Variants in CLCN3 observed in about 807,000 individuals in gnomAD.
CLCN3 encodes Cl-/H+ antiporter 3, also known as H(+)/Cl(-) exchange transporter 3.
In CLCN3, 16 loss-of-function variants were observed where a neutral mutation model predicts 83.4. The ratio of observed to expected loss-of-function variants is 0.19; its 90% CI spans 0.13 to 0.29. The LOEUF (loss-of-function observed/expected upper bound fraction) is 0.29. Among genes scored for constraint, CLCN3 ranks in the 10% least tolerant of loss-of-function variants. The pLI is 1.00. For missense variants in CLCN3, 544 were observed against 1,006.0 expected, an observed-to-expected ratio of 0.54 and a Z score of 6.21; for synonymous variants, 322 against 346.2, an observed-to-expected ratio of 0.93 and a Z score of 0.78.
intron 9 of CLCN3, among the ~76,000 whole-genome samples, chr4:169,703,415 C>T (rs756045729): frequency 5.3e-5 from 8 of 152,136 alleles, no homozygotes; most frequent in Non-Finnish European, 7.3e-5. Flanking sequence ...CTACCATTTC[C>T]GTCATTTGTA....
intron 2 of CLCN3, among the ~76,000 whole-genome samples, chr4:169,667,312 T>C (rs1384886551): frequency 6.6e-6 from 1 of 152,198 alleles, no homozygotes; most frequent in African/African-American, 2.4e-5. Context: ...TTTTTCTTTT[T>C]AACCGCTGTT....
At chr4:169,682,386 A>C (rs1581244992) in intron 3 of CLCN3, among the ~76,000 whole-genome samples, 1 of 152,200 alleles carries the variant, frequency 6.6e-6, no homozygotes, top group East Asian at 1.9e-4. Context: ...AAACAAATAC[A>C]CATTTATTTA....
At chr4:169,708,408 C>T (rs1384240549) in intron 11 of CLCN3, among the ~76,000 whole-genome samples, 1 of 152,118 alleles carries the variant, frequency 6.6e-6, no homozygotes, top group African/African-American at 2.4e-5. Context: ...CTAGCATTCC[C>T]ATCATTCTAA....
intron 2 of CLCN3, among the ~76,000 whole-genome samples, chr4:169,650,074 G>C (rs1023221021): frequency 6.6e-6 from 1 of 152,050 alleles, no homozygotes; most frequent in Non-Finnish European, 1.5e-5. Context: ...GGGTGACAGA[G>C]CGAGACCCTA....
intron 9 of CLCN3, 36 bp downstream of exon 9, chr4:169,697,770 T>C (rs1732623354): frequency 6.9e-7 from 1 of 1,456,242 alleles, no homozygotes; most frequent in South Asian, 1.3e-5. Flanking sequence ...TGGGTAATTT[T>C]GGCATGTTCA....
intron 1 of CLCN3, among the ~76,000 whole-genome samples, chr4:169,630,795 C>T (rs1221578774): frequency 3.3e-5 from 5 of 152,310 alleles, no homozygotes; most frequent in Non-Finnish European, 5.9e-5. Flanking sequence ...TCCCAAAGTG[C>T]TGGGATTACA....
At position 169,635,983 on chromosome 4, in the gene CLCN3, A is replaced by G. The variant is rs779026941; in HGVS notation, c.55A>G (p.Ile19Val). Reference sequence around the variant, plus strand: ...CTACTATAGAAACAGCTACAACAGTATAACAAGTGCAAGTAGTGATGAGGA... The same window carrying G: ...CTACTATAGAAACAGCTACAACAGTGTAACAAGTGCAAGTAGTGATGAGGA... Reference protein sequence around the residue: ...RGYYRNSYNSITSASSDEELL... With the variant: ...RGYYRNSYNSVTSASSDEELL... Residue 19 changes from isoleucine (I) to valine (V), a missense_variant, in exon 2 of 13, where the codon ATA (isoleucine) becomes GTA (valine). Transcript: ENST00000513761. 9 of 1,613,464 alleles carry G rather than the reference A, an allele frequency of 5.6e-6. No individual in the cohort carries two copies. Among genetic ancestry groups the G allele is most frequent in the East Asian group, 2.2e-5 (1 of 44,824 alleles).
At chr4:169,648,885 G>A (rs968355217) in intron 2 of CLCN3, among the ~76,000 whole-genome samples, 4 of 152,072 alleles carry the variant, frequency 2.6e-5, no homozygotes, top group African/African-American at 9.7e-5. Flanking sequence ...AAGTTAGCCA[G>A]GTGTGGTGGT....
chr4:169,650,381 T>A (rs1390304767), intron 2 of CLCN3, among the ~76,000 whole-genome samples: 1 of 152,202 alleles, frequency 6.6e-6, no homozygotes, highest in African/African-American at 2.4e-5. Flanking sequence ...TTTCAAAGGT[T>A]ATGTGTGCGC....
chr4:169,627,296 C>T (rs140102397), intron 1 of CLCN3, among the ~76,000 whole-genome samples: 1 of 152,260 alleles, frequency 6.6e-6, no homozygotes, highest in East Asian at 1.9e-4. Context: ...TGACTTTTTA[C>T]CTCACAGCCC....
In CLCN3 at chr4:169,620,601, G is replaced by GCCGGT. The variant is rs1352049950; in HGVS notation, c.-469_-465dup. ...TTCTCTTCCCCTTCCGTGGGTCAGG[G>GCCGGT]CCGGTCCGGTCCGGAACCTGCAGCC... On this transcript the variant is annotated 5_prime_UTR_variant, in exon 1 of 13. Coordinates refer to ENST00000513761, the MANE Select transcript of CLCN3 (RefSeq NM_001829.4). 7.6e-6 allele frequency: 3 copies of GCCGGT among 397,180 alleles called. No individual in the cohort carries two copies. Among genetic ancestry groups the GCCGGT allele is most frequent in the African/African-American group, 4.1e-5 (2 of 48,638 alleles). The allele number at this position is 397,180 out of a possible 1,614,324, so 24.6% of individuals were successfully genotyped here.
intron 5 of CLCN3, 90 bp downstream of exon 5, chr4:169,689,320 A>ATATG: frequency 9.2e-7 from 1 of 1,081,202 alleles, no homozygotes. Context: ...CACATATTAG[A>ATATG]TGATTACATA....
chr4:169,673,523 G>A (rs1731557363), intron 2 of CLCN3, among the ~76,000 whole-genome samples: 1 of 151,768 alleles, frequency 6.6e-6, no homozygotes, highest in Admixed American at 6.6e-5. Flanking sequence ...AGTGGGGCTA[G>A]CGATGTATTA....
intron 2 of CLCN3, among the ~76,000 whole-genome samples, chr4:169,639,193 C>T (rs907998720): frequency 2.0e-5 from 3 of 152,240 alleles, no homozygotes; most frequent in Non-Finnish European, 4.4e-5. Context: ...CTAGACCCAG[C>T]TAATTTTTTA....
At chr4:169,642,786 G>A (rs1459766831) in intron 2 of CLCN3, 3 of 152,262 alleles carry the variant, frequency 2.0e-5, no homozygotes, top group African/African-American at 7.2e-5. Flanking sequence ...GCCTTTCAAA[G>A]TGCTGGGACT....
At chr4:169,690,186 C>T (rs570819676) in intron 5 of CLCN3, among the ~76,000 whole-genome samples, 1 of 121,498 alleles carries the variant, frequency 8.2e-6, no homozygotes, top group Admixed American at 1.2e-4. Context: ...CACTCTGTTG[C>T]CCAGGCTGGA....
chr4:169,660,237 A>T lies in CLCN3; in HGVS notation c.161-19813A>T, dbSNP rs547008898. On this transcript the variant is annotated intron_variant, in intron 2 of 12. Transcript: ENST00000513761. ...GAACCCAGTTGCTTCAGCGAGTCGA[A>T]CTACAGTTTTAACCTCATCAAATAT... is the stretch of plus-strand genomic sequence containing the variant. 1.1e-5 allele frequency: 13 copies of T among 1,220,610 alleles called. No individual in the cohort carries two copies. In the East Asian group the frequency reaches 4.3e-4, roughly 41 times the overall value. 75.6% of individuals were successfully genotyped at this position (1,220,610 alleles called of 1,614,324 possible).
chr4:169,628,282 A>G (rs1368512773), intron 1 of CLCN3, among the ~76,000 whole-genome samples: 3 of 152,140 alleles, frequency 2.0e-5, no homozygotes, highest in Non-Finnish European at 4.4e-5. Context: ...CCAAAAGAAT[A>G]CTCCTTAAAG....
intron 2 of CLCN3, among the ~76,000 whole-genome samples, chr4:169,670,205 T>C (rs1356651519): frequency 6.6e-6 from 1 of 152,242 alleles, no homozygotes; most frequent in African/African-American, 2.4e-5. Context: ...CCAGTGCCTA[T>C]GTCCTGAATG....
Sources: allele counts gnomAD v4.1 joint callset (sites outside exome capture counted in the v4.1 genomes callset), GRCh38; gene constraint gnomAD v4.1.1; transcripts MANE v1.5; gene names NCBI Gene and HGNC (gene_info 2026-07-23, HGNC 2026-07-21).